SLC5A1: variants seen among roughly 807,000 people sequenced by gnomAD.
SLC5A1 encodes the protein sodium/glucose cotransporter 1.
SLC5A1 carries 42 observed loss-of-function variants against 73.5 expected under a neutral mutation model. The ratio of observed to expected loss-of-function variants is 0.57; its 90% CI spans 0.45 to 0.74. The LOEUF is 0.74. Among genes scored for constraint, SLC5A1 ranks in the 30% least tolerant of loss-of-function variants. The pLI is 0.00. For missense variants in SLC5A1, 634 were observed against 855.4 expected, an observed-to-expected ratio of 0.74 and a Z score of 3.23; for synonymous variants, 300 against 317.4, an observed-to-expected ratio of 0.95 and a Z score of 0.58.
chr22:32,107,199 ACTT>A (rs1316695106), intron 14 of SLC5A1, among the ~76,000 whole-genome samples: 1 of 152,136 alleles, frequency 6.6e-6, no homozygotes, highest in Non-Finnish European at 1.5e-5. Context: ...CATGCCCTCT[ACTT>A]CTCCTACCTC....
In SLC5A1 at chr22:32,110,626, A is replaced by AT. The variant is rs140860103; in HGVS notation, c.*423dup. Reference sequence around the variant, plus strand: ...ACTTTTCCTGTCCGTCCTCCTCCCCATTTTTTTTTTAAAAGAAAGCTGTTT... The same window carrying AT: ...ACTTTTCCTGTCCGTCCTCCTCCCCATTTTTTTTTTTAAAAGAAAGCTGTTT... On this transcript the variant is annotated 3_prime_UTR_variant, in exon 15 of 15. Coordinates refer to ENST00000266088, the MANE Select transcript of SLC5A1 (RefSeq NM_000343.4). The AT allele has an allele frequency of 0.059, 14,419 of 246,424 alleles. 689 individuals are homozygous for AT. The highest frequency in any genetic ancestry group is 0.18 in the African/African-American group (7,673 of 43,114). The allele number at this position is 246,424 out of a possible 1,614,324, so 15.3% of individuals were successfully genotyped here. A position where few individuals can be genotyped will look rare whatever the true frequency, so the allele number is the denominator to read the frequency against.
chr22:32,094,206 G>T (rs568397078), intron 11 of SLC5A1, among the ~76,000 whole-genome samples: 1 of 152,172 alleles, frequency 6.6e-6, no homozygotes, highest in East Asian at 1.9e-4. Flanking sequence ...GATCATGGTG[G>T]ATTATCTTTT....
intron 2 of SLC5A1, among the ~76,000 whole-genome samples, chr22:32,051,034 C>T (rs990465869): frequency 1.3e-5 from 2 of 152,162 alleles, no homozygotes; most frequent in African/African-American, 4.8e-5. Flanking sequence ...AAGGGGAATT[C>T]CCCACTCTTT....
At chr22:32,064,304 T>C (rs961881318) in intron 2 of SLC5A1, among the ~76,000 whole-genome samples, 3 of 152,002 alleles carry the variant, frequency 2.0e-5, no homozygotes, top group South Asian at 4.2e-4. Flanking sequence ...AAGACCAGCC[T>C]GGGTAACATG....
intron 7 of SLC5A1, among the ~76,000 whole-genome samples, 193 bp from the exon 8 acceptor site, chr22:32,084,246 G>A (rs1391883727): frequency 1.3e-5 from 2 of 152,246 alleles, no homozygotes; most frequent in Non-Finnish European, 1.5e-5. Context: ...AAGGGGGCTG[G>A]GCAGGGCTAC....
At chr22:32,070,828 T>C (rs2093981802) in intron 5 of SLC5A1, among the ~76,000 whole-genome samples, 1 of 152,188 alleles carries the variant, frequency 6.6e-6, no homozygotes, top group African/African-American at 2.4e-5. Flanking sequence ...AGTGTGCATT[T>C]TTTTTGTCCC....
At chr22:32,081,233 G>A (rs950100591) in intron 5 of SLC5A1, among the ~76,000 whole-genome samples, 5 of 152,096 alleles carry the variant, frequency 3.3e-5, no homozygotes, top group African/African-American at 1.2e-4. Context: ...AGTGAGGAGG[G>A]AGCAATTCTC....
chr22:32,071,152 A>G (rs563612383), intron 5 of SLC5A1, among the ~76,000 whole-genome samples: 13 of 152,336 alleles, frequency 8.5e-5, no homozygotes, highest in African/African-American at 2.6e-4. Flanking sequence ...CTTGAAATGT[A>G]AGATATAATG....
At chr22:32,091,309 AC>A (rs2094017028) in intron 10 of SLC5A1, among the ~76,000 whole-genome samples, 3 of 112,622 alleles carry the variant, frequency 2.7e-5, no homozygotes, top group African/African-American at 9.9e-5. Context: ...ACACACACAC[AC>A]ACACACACAC....
At chr22:32,085,678 T>A (rs367963784) in intron 9 of SLC5A1, among the ~76,000 whole-genome samples, 12 of 152,122 alleles carry the variant, frequency 7.9e-5, no homozygotes, top group African/African-American at 2.7e-4. Flanking sequence ...TTTCTTTGAT[T>A]TCTTTCCTCC....
chr22:32,096,690 T>C (rs142007599), intron 11 of SLC5A1, among the ~76,000 whole-genome samples: 1 of 152,304 alleles, frequency 6.6e-6, no homozygotes, highest in East Asian at 1.9e-4. Flanking sequence ...TGATTATCCA[T>C]GGAGCAGATG....
intron 5 of SLC5A1, 108 bp downstream of exon 5, chr22:32,068,708 C>T (rs2093978205): frequency 2.6e-6 from 2 of 782,768 alleles, no homozygotes; most frequent in Non-Finnish European, 2.2e-6. Flanking sequence ...ATTAACTTGG[C>T]CCCTTAAGCC....
intron 2 of SLC5A1, among the ~76,000 whole-genome samples, chr22:32,063,797 G>C (rs770870762): frequency 6.6e-6 from 1 of 152,200 alleles, no homozygotes; most frequent in African/African-American, 2.4e-5. Context: ...ATAATATTGT[G>C]AAGGCAGAGT....
chr22:32,074,464 T>C (rs1288760117), intron 5 of SLC5A1, among the ~76,000 whole-genome samples: 1 of 152,140 alleles, frequency 6.6e-6, no homozygotes, highest in Non-Finnish European at 1.5e-5. Flanking sequence ...GTGTGATTTT[T>C]GAGGCTCCTT....
At chr22:32,059,160 G>A (rs759863365) in intron 2 of SLC5A1, 2 of 985,390 alleles carry the variant, frequency 2.0e-6, no homozygotes, top group Non-Finnish European at 2.4e-6. Context: ...ACAGCTGAGA[G>A]GCAGAAGTTA....
At chr22:32,083,871 C>G (rs1265545112) in intron 7 of SLC5A1, among the ~76,000 whole-genome samples, 1 of 152,312 alleles carries the variant, frequency 6.6e-6, no homozygotes, top group East Asian at 1.9e-4. Context: ...CCCAGCAGGC[C>G]TTGGGTGTTA....
intron 8 of SLC5A1, 65 bp downstream of exon 8, chr22:32,084,724 G>C (rs2094005308): frequency 6.5e-7 from 1 of 1,544,138 alleles, no homozygotes; most frequent in Non-Finnish European, 8.9e-7. Context: ...ACTCCTGTCT[G>C]TCTGTGGTTT....
intron 2 of SLC5A1, among the ~76,000 whole-genome samples, chr22:32,055,038 A>T (rs561363206): frequency 6.6e-6 from 1 of 152,250 alleles, no homozygotes; most frequent in East Asian, 1.9e-4. Flanking sequence ...GATTCCAAAG[A>T]TGGGCTCATC....
chr22:32,075,939 A>C (rs1421410734), intron 5 of SLC5A1, among the ~76,000 whole-genome samples: 6 of 152,238 alleles, frequency 3.9e-5, no homozygotes, highest in Non-Finnish European at 7.3e-5. Context: ...GGACAAAAGA[A>C]AATAACTGTT....
Sources: allele counts gnomAD v4.1 joint callset (sites outside exome capture counted in the v4.1 genomes callset), GRCh38; gene constraint gnomAD v4.1.1; transcripts MANE v1.5; gene names NCBI Gene and HGNC (gene_info 2026-07-23, HGNC 2026-07-21).